The following CFAP92 variants were observed in gnomAD, a reference collection of about 807,000 sequenced individuals.
The protein encoded by CFAP92 is cilia and flagella associated protein 92 (putative), also known as uncharacterized protein CFAP92.
A neutral mutation model predicts 106.3 loss-of-function variants in CFAP92; 86 were observed. The ratio of observed to expected loss-of-function variants is 0.81; its 90% confidence interval spans 0.68 to 0.97. CFAP92 has a LOEUF of 0.97. CFAP92 is among the 50% of genes least tolerant of loss of function. The pLI, the probability that CFAP92 is intolerant of heterozygous loss-of-function variation, is 0.00. For missense variants in CFAP92, 1,204 were observed against 1,283.8 expected (o/e 0.94, Z 0.95); for synonymous variants, 477 against 506.4 (o/e 0.94, Z 0.78).
chr3:128,963,598 C>G (rs991263405), intron 9 of CFAP92, among the ~76,000 whole-genome samples: 11 of 151,498 alleles, frequency 7.3e-5, no homozygotes, highest in African/African-American at 2.4e-4. Context: ...TCTCTCTGAT[C>G]CACCTGATAT....
In CFAP92 at chr3:128,965,634, C is replaced by G. The variant is rs1942307609; in HGVS notation, c.1230G>C (p.Leu410Phe). Residue 410 changes from leucine (L) to phenylalanine (F), a missense_variant, in exon 9 of 16, where the codon TTG (leucine) becomes TTC (phenylalanine). Leu to Phe is a conservative substitution (Grantham distance 22, BLOSUM62 0). Transcript: ENST00000645291. ...TGATCGGAACTTCTGTTTTTAAAGT[C>G]AAAAGGCAATCTAAAATGTTGGCAG... is the stretch of plus-strand genomic sequence containing the variant. ...EKSANILDCL[L>F]TLKTEVPIMT... The G allele has an allele frequency of 2.5e-6, 1 of 398,700 alleles. No homozygotes were observed. Among genetic ancestry groups the G allele is most frequent in the Admixed American group, 4.4e-5 (1 of 22,694 alleles). The allele number at this position is 398,700 out of a possible 1,614,324, so 24.7% of individuals were successfully genotyped here. A position where few individuals can be genotyped will look rare whatever the true frequency, so the allele number is the denominator to read the frequency against.
rs553160284 is a variant in CFAP92, at chr3:128,991,229, C to A, written c.262+1814G>T. Among the ~76,000 whole-genome samples, 165 of 152,274 alleles carry A rather than the reference C, an allele frequency of 1.1e-3. 1 individual carries two copies. The highest frequency in any genetic ancestry group is 2.1e-3 in the East Asian group (11 of 5,184). On this transcript the variant is annotated intron_variant, in intron 2 of 15. Coordinates refer to ENST00000645291, the MANE Select transcript of CFAP92 (RefSeq NM_001394090.1). ...TATTTGCCAGATGTCTTTTTCCAGG[C>A]TCTTTTGCTTTATAGCAATAGACCC...
intron 4 of CFAP92, among the ~76,000 whole-genome samples, chr3:128,981,788 T>C (rs1179020995): frequency 6.6e-6 from 1 of 152,248 alleles, no homozygotes; most frequent in Admixed American, 6.5e-5. Flanking sequence ...GAAACCAAAG[T>C]CACCTCTTTG....
At position 128,910,270 on chromosome 3, in the gene CFAP92, T is replaced by C. The variant is rs775066533; in HGVS notation, c.*29A>G. 1 of 1,536,562 alleles carries C rather than the reference T, an allele frequency of 6.5e-7. No homozygotes were observed. Among genetic ancestry groups the C allele is most frequent in the South Asian group, 1.2e-5 (1 of 83,624 alleles). On this transcript the variant is annotated 3_prime_UTR_variant, in exon 16 of 16. Transcript: ENST00000645291. ...TGGGGGAGGCTGTGCAGGTTCACCA[T>C]GCGGTGGCCGTGGGAGGGTCTGTGC...
At chr3:128,910,486 C>G (rs1243130281) in intron 15 of CFAP92, among the ~76,000 whole-genome samples, 153 bp from the exon 16 acceptor site, 3 of 152,194 alleles carry the variant, frequency 2.0e-5, no homozygotes, top group African/African-American at 7.2e-5. Flanking sequence ...CCTGCACTTT[C>G]CAGAGCACCT....
intron 12 of CFAP92, among the ~76,000 whole-genome samples, chr3:128,922,603 CTAT>C (rs2107687908): frequency 6.6e-6 from 1 of 152,268 alleles, no homozygotes; most frequent in South Asian, 2.1e-4. Flanking sequence ...GCTGATGTCT[CTAT>C]TATTGCTTTA....
upstream of CFAP92, chr3:129,004,186 T>C: frequency 7.9e-7 from 1 of 1,258,398 alleles, no homozygotes; most frequent in African/African-American, 1.6e-5. Context: ...CCGCAGTTTC[T>C]CCATGCGTTT....
At chr3:128,934,369 G>A (rs547961757) in intron 11 of CFAP92, among the ~76,000 whole-genome samples, 4 of 151,432 alleles carry the variant, frequency 2.6e-5, no homozygotes, top group Non-Finnish European at 4.4e-5. Flanking sequence ...ACAGGCATGC[G>A]CCACCATGCC....
chr3:128,915,880 G>A (rs1008339457), intron 13 of CFAP92: 10 of 448,672 alleles, frequency 2.2e-5, no homozygotes, highest in African/African-American at 2.0e-4. Flanking sequence ...TCTCCTTTAT[G>A]TACATCTGAG....
upstream of CFAP92, chr3:129,003,379 C>T (rs935070465): frequency 1.3e-6 from 1 of 756,790 alleles, no homozygotes; most frequent in African/African-American, 1.9e-5. Flanking sequence ...TCAAAAGCCT[C>T]TAGTGAGCAG....
intron 10 of CFAP92, among the ~76,000 whole-genome samples, chr3:128,943,920 GTTTTTTTTTT>G (rs768570835): frequency 9.1e-6 from 1 of 110,134 alleles, no homozygotes; most frequent in Admixed American, 9.5e-5. Flanking sequence ...TATTTCCCCC[GTTTTTTTTTT>G]TTTTTTTTTT....
chr3:129,023,609 G>A, the CFAP92 span, among the ~76,000 whole-genome samples: 1 of 152,306 alleles, frequency 6.6e-6, no homozygotes, highest in Admixed American at 6.5e-5. Context: ...TGGGATTACA[G>A]GCGTGAGCCA....
chr3:128,959,748 C>A (rs1443238272), intron 9 of CFAP92, among the ~76,000 whole-genome samples: 1 of 152,196 alleles, frequency 6.6e-6, no homozygotes, highest in East Asian at 1.9e-4. Flanking sequence ...CTGGTCACAC[C>A]TAATCCCAGG....
Position 128,915,169 on chromosome 3 carries a change from G to C in CFAP92, c.3230C>G (p.Pro1077Arg). ...HHVDFDLYKK[P>R]PPFLELLPSP... ...AGGGAGCAGCTCGAGGAAAGGTGGT[G>C]GTTTCTTGTACAGATCAAAGTCCAC... The change falls in exon 15 of 16, where the codon CCA (proline) becomes CGA (arginine). Residue 1077 changes from proline to arginine, a missense_variant. Physicochemically the swap from Pro to Arg is moderately radical, Grantham distance 103. Coordinates refer to ENST00000645291, the MANE Select transcript of CFAP92 (RefSeq NM_001394090.1). 1.3e-6 allele frequency: 2 copies of C among 1,536,130 alleles called. No individual in the cohort carries two copies. Among genetic ancestry groups the C allele is most frequent in the Non-Finnish European group, 8.7e-7 (1 of 1,146,916 alleles).
chr3:128,979,323 T>C (rs922950437), intron 4 of CFAP92, among the ~76,000 whole-genome samples: 1 of 152,110 alleles, frequency 6.6e-6, no homozygotes, highest in African/African-American at 2.4e-5. Flanking sequence ...TGTGGAGAAA[T>C]AGGAACACTT....
upstream of CFAP92, among the ~76,000 whole-genome samples, chr3:128,996,858 C>T (rs552870309): frequency 1.3e-5 from 2 of 152,350 alleles, no homozygotes; most frequent in South Asian, 2.1e-4. Flanking sequence ...TGGGTTCCCC[C>T]GCCCCCAGTG....
In CFAP92 at chr3:128,912,438, C is replaced by CCACTT. The variant is rs1936437625; in HGVS notation, c.3281-2110_3281-2106dup. The CCACTT allele has an allele frequency of 4.2e-6, 6 of 1,433,990 alleles. No individual in the cohort carries two copies. The Admixed American group carries it at 1.1e-4, about 26-fold the overall frequency. The allele number at this position is 1,433,990 out of a possible 1,614,324, so 88.8% of individuals were successfully genotyped here. The stretch of plus-strand genomic sequence containing the variant: ...GGGCTGACTTTGTGGAAAAATGCCC[C>CCACTT]CACTTCAGCCATGTTTGTCTTATCA... On this transcript the variant is annotated intron_variant, in intron 15 of 15. Transcript: ENST00000645291.
At chr3:128,987,933 G>A in intron 3 of CFAP92, 104 bp from the exon 4 acceptor site, 2 of 923,402 alleles carry the variant, frequency 2.2e-6, no homozygotes, top group Middle Eastern at 3.0e-4. Context: ...CAGCAGCGCT[G>A]CCTGACTTCA....
At chr3:128,962,474 T>C (rs1942010853) in intron 9 of CFAP92, among the ~76,000 whole-genome samples, 1 of 152,160 alleles carries the variant, frequency 6.6e-6, no homozygotes, top group Admixed American at 6.6e-5. Flanking sequence ...CGAGATATTT[T>C]AACCAAATTA....
Sources: allele counts gnomAD v4.1 joint callset (sites outside exome capture counted in the v4.1 genomes callset), GRCh38; gene constraint gnomAD v4.1.1; transcripts MANE v1.5; gene names NCBI Gene and HGNC (gene_info 2026-07-23, HGNC 2026-07-21).